KREMEN1: variants seen among roughly 807,000 people sequenced by gnomAD.
The protein encoded by KREMEN1 is kremen protein 1.
In KREMEN1, 30 loss-of-function variants were observed where a neutral mutation model predicts 46.5. The ratio of observed to expected loss-of-function variants is 0.65; its 90% CI spans 0.48 to 0.88. The LOEUF (loss-of-function observed/expected upper bound fraction) is 0.88. Among genes scored for constraint, KREMEN1 ranks in the 40% least tolerant of loss-of-function variants. KREMEN1 has a pLI of 0.00. For missense variants in KREMEN1, 533 were observed against 596.9 expected (o/e 0.89, Z 1.11); for synonymous variants, 214 against 230.6 (o/e 0.93, Z 0.65).
In KREMEN1 at chr22:29,131,663, T is replaced by C. The variant is rs1443110641; in HGVS notation, c.632-5679T>C. On this transcript the variant is annotated intron_variant, in intron 5 of 8. Coordinates refer to ENST00000400335, the MANE Select transcript of KREMEN1 (RefSeq NM_001039570.3). ...ATGTGTGTATATATATGTATATATATACATGTATATATATGCATATATACA... is the reference window on the plus strand; with the variant it reads ...ATGTGTGTATATATATGTATATATACACATGTATATATATGCATATATACA... Among the ~76,000 whole-genome samples, 85 of 102,502 alleles carry C rather than the reference T, an allele frequency of 8.3e-4. 1 individual carries two copies. Among genetic ancestry groups the C allele is most frequent in the African/African-American group, 2.5e-3 (65 of 25,590 alleles). 67.2% of individuals were successfully genotyped at this position (102,502 alleles called of 152,430 possible). A position where few individuals can be genotyped will look rare whatever the true frequency, so the allele number is the denominator to read the frequency against.
At chr22:29,134,435 GCATGA>G (rs2038624481) in intron 5 of KREMEN1, among the ~76,000 whole-genome samples, 1 of 152,106 alleles carries the variant, frequency 6.6e-6, no homozygotes, top group Non-Finnish European at 1.5e-5. Flanking sequence ...GGGATTACAG[GCATGA>G]GCCACCATGC....
intron 3 of KREMEN1, among the ~76,000 whole-genome samples, chr22:29,110,390 C>T (rs2038128871): frequency 6.6e-6 from 1 of 152,190 alleles, no homozygotes. Flanking sequence ...GTGGCAAGGC[C>T]CGATTTAAGA....
At position 29,109,377 on chromosome 22, in the gene KREMEN1, C is replaced by T. The variant is rs16987099; in HGVS notation, c.352+10424C>T. Among the ~76,000 whole-genome samples the T allele has an allele frequency of 4.7e-3, 715 of 152,266 alleles. 8 individuals carry two copies. The highest frequency in any genetic ancestry group is 0.036 in the East Asian group (184 of 5,180). On this transcript the variant is annotated intron_variant, in intron 3 of 8. Transcript: ENST00000400335. ...TCAATCTTATGATGTAATTGGGAAT[C>T]TGAGTTATAAACCTAAGAGAAAATT...
intron 2 of KREMEN1, among the ~76,000 whole-genome samples, chr22:29,096,531 A>G (rs75177389): frequency 0.086 from 13,132 of 152,172 alleles, 805 homozygotes; most frequent in African/African-American, 0.17. Flanking sequence ...CTTAGCCCTG[A>G]TCAGCCATCA....
intron 5 of KREMEN1, among the ~76,000 whole-genome samples, chr22:29,131,048 T>C (rs924417875): frequency 6.6e-6 from 1 of 152,232 alleles, no homozygotes; most frequent in African/African-American, 2.4e-5. Context: ...TTCAGTTGGA[T>C]ACTTTATTCT....
chr22:29,143,935 T>G lies in KREMEN1; in HGVS notation c.*1823T>G, dbSNP rs971392417. 5.3e-5 allele frequency: 52 copies of G among 985,134 alleles called. No homozygotes were observed. Among genetic ancestry groups the G allele is most frequent in the Non-Finnish European group, 6.0e-5 (50 of 829,846 alleles). 61.0% of individuals were successfully genotyped at this position (985,134 alleles called of 1,614,324 possible). A position where few individuals can be genotyped will look rare whatever the true frequency, so the allele number is the denominator to read the frequency against. ...GGGTGGGTTTGGGAATTGGAGCTCC[T>G]CCAAGGAGCTCCTCCTAAGATTGAG... On this transcript the variant is annotated 3_prime_UTR_variant, in exon 9 of 9. Transcript: ENST00000400335.
At chr22:29,152,699 C>T (rs1275289934) in intron 9 of KREMEN1, among the ~76,000 whole-genome samples, 1 of 151,896 alleles carries the variant, frequency 6.6e-6, no homozygotes, top group Non-Finnish European at 1.5e-5. Flanking sequence ...CCAAGCACAA[C>T]CTTTCCTTTT....
In KREMEN1 at chr22:29,138,796, G is replaced by A. The variant is rs1270896219; in HGVS notation, c.1123+14G>A. ...AGACTGTCCCAGGTAGCAATTCCTG[G>A]GCGCCACCCATGGGGGCTGGAAGCC... On this transcript the variant is annotated intron_variant, in intron 7 of 8. Coordinates refer to ENST00000400335, the MANE Select transcript of KREMEN1 (RefSeq NM_001039570.3). 3.1e-6 allele frequency: 5 copies of A among 1,614,184 alleles called. No homozygotes were observed. The East Asian group carries it at 1.1e-4, about 36-fold the overall frequency.
exon 10 of KREMEN1, chr22:29,167,068 T>C: frequency 6.4e-7 from 1 of 1,551,682 alleles, no homozygotes; most frequent in South Asian, 1.2e-5. Flanking sequence ...GGAAGTGACA[T>C]CACTCATCTG....
intron 2 of KREMEN1, among the ~76,000 whole-genome samples, chr22:29,097,923 T>C (rs1390385979): frequency 1.3e-5 from 2 of 152,308 alleles, no homozygotes; most frequent in East Asian, 3.9e-4. Flanking sequence ...GGCTCACGCC[T>C]GTAGTCTCAG....
At chr22:29,107,709 C>A (rs571659228) in intron 3 of KREMEN1, among the ~76,000 whole-genome samples, 1 of 151,974 alleles carries the variant, frequency 6.6e-6, no homozygotes, top group African/African-American at 2.4e-5. Context: ...CATAGGGAGA[C>A]CCTGTCTTTA....
chr22:29,080,494 G>T (rs1449417129), intron 1 of KREMEN1, among the ~76,000 whole-genome samples: 1 of 152,176 alleles, frequency 6.6e-6, no homozygotes, highest in Non-Finnish European at 1.5e-5. Flanking sequence ...AGCTTCACTG[G>T]CCTGGCTCAC....
chr22:29,113,923 G>T (rs913027727), intron 3 of KREMEN1, among the ~76,000 whole-genome samples: 1 of 152,192 alleles, frequency 6.6e-6, no homozygotes, highest in Non-Finnish European at 1.5e-5. Context: ...TTAAGAAGAG[G>T]TTAAGCAAAG....
intron 3 of KREMEN1, among the ~76,000 whole-genome samples, chr22:29,112,851 C>T (rs185982843): frequency 5.9e-5 from 9 of 152,294 alleles, no homozygotes; most frequent in East Asian, 1.9e-4. Flanking sequence ...GGGTGGGACA[C>T]GATCTAGAAA....
intron 5 of KREMEN1, among the ~76,000 whole-genome samples, chr22:29,132,265 C>T (rs138538221): frequency 0.011 from 1,624 of 152,166 alleles, 29 homozygotes; most frequent in African/African-American, 0.037. Flanking sequence ...ACAGATGTAT[C>T]GCAATCTGTT....
chr22:29,073,316 C>G lies in KREMEN1; in HGVS notation c.97+89C>G. ...CGGCCGGCCTGAGAGCCCCCTCCCT[C>G]CCGCTTCAGGACCTTCCGGGCCCCT... is the stretch of plus-strand genomic sequence containing the variant. On this transcript the variant is annotated intron_variant, in intron 1 of 8. Coordinates refer to ENST00000400335, the MANE Select transcript of KREMEN1 (RefSeq NM_001039570.3). This position sits in a 1 kb window ranked among gnomAD's most constrained non-coding sequence, Gnocchi z 4.4. The G allele has an allele frequency of 2.5e-6, 1 of 404,124 alleles. No individual in the cohort carries two copies. Among genetic ancestry groups the G allele is most frequent in the Non-Finnish European group, 3.6e-6 (1 of 275,754 alleles). 25.0% of individuals were successfully genotyped at this position (404,124 alleles called of 1,614,324 possible). A position where few individuals can be genotyped will look rare whatever the true frequency, so the allele number is the denominator to read the frequency against.
downstream of KREMEN1, among the ~76,000 whole-genome samples, chr22:29,148,848 T>C (rs1346259521): frequency 2.6e-5 from 4 of 152,052 alleles, no homozygotes; most frequent in Non-Finnish European, 5.9e-5. Context: ...AGGTGAAATC[T>C]CCCTCATCCA....
intron 3 of KREMEN1, among the ~76,000 whole-genome samples, chr22:29,100,360 C>T (rs538250787): frequency 2.0e-5 from 3 of 152,210 alleles, no homozygotes; most frequent in East Asian, 1.9e-4. Context: ...GTGATCCGCC[C>T]GCCTTGGCCT....
chr22:29,167,360 A>G (rs2039061934), exon 10 of KREMEN1: 2 of 503,070 alleles, frequency 4.0e-6, no homozygotes, highest in African/African-American at 3.9e-5. Context: ...CCTCGTCTCT[A>G]AGAATAGAAA....
Sources: allele counts gnomAD v4.1 joint callset (sites outside exome capture counted in the v4.1 genomes callset), GRCh38; gene constraint gnomAD v4.1.1; non-coding constraint Gnocchi (gnomAD v3.1); transcripts MANE v1.5; gene names NCBI Gene and HGNC (gene_info 2026-07-23, HGNC 2026-07-21).